FANCI: variants seen among roughly 807,000 people sequenced by gnomAD.
FANCI encodes the protein Fanconi anemia group I protein.
Under a neutral mutation model 176.1 loss-of-function variants are expected in FANCI, and 156 were observed. That is an observed-to-expected ratio of 0.89 (90% CI 0.78 to 1.01). The LOEUF is 1.01. Ranked by LOEUF, FANCI falls within the 50% of genes least tolerant of loss-of-function variation. The pLI is 0.00. For missense variants in FANCI, 1,678 were observed against 1,534.1 expected (o/e 1.09, Z -1.57); for synonymous variants, 613 against 541.7 (o/e 1.13, Z -1.83).
chr15:89,260,806 A>G lies in FANCI; in HGVS notation c.251A>G (p.Glu84Gly). Residue 84 changes from glutamate to glycine, a missense_variant, in exon 4 of 38, where the codon GAA becomes GGA. This residue lies in a region of FANCI where 469 missense variants were observed against 436.9 expected (regional missense o/e 1.07). Transcript: ENST00000310775. Reference sequence around the variant, plus strand: ...GTGGAATCGGGGGATTTGCAGAAAGAAATAGCGTCTGAGATCATAGGATTA... The same window carrying G: ...GTGGAATCGGGGGATTTGCAGAAAGGAATAGCGTCTGAGATCATAGGATTA... ...QLVESGDLQK[E>G]IASEIIGLLM... The G allele has an allele frequency of 1.9e-6, 3 of 1,614,002 alleles. No homozygotes were observed. The highest frequency in any genetic ancestry group is 2.5e-6 in the Non-Finnish European group (3 of 1,179,916).
At chr15:89,281,409 T>C in intron 15 of FANCI, 109 bp downstream of exon 15, 1 of 1,370,610 alleles carries the variant, frequency 7.3e-7, no homozygotes, top group Non-Finnish European at 1.0e-6. Context: ...TCTATTCCAC[T>C]TTAGTCTGAA....
At position 89,301,381 on chromosome 15, in the gene FANCI, C is replaced by G. The variant is rs774937583; in HGVS notation, c.2945C>G (p.Ala982Gly). The G allele has an allele frequency of 6.2e-7, 1 of 1,613,960 alleles. No individual in the cohort carries two copies. Among genetic ancestry groups the G allele is most frequent in the Non-Finnish European group, 8.5e-7 (1 of 1,180,002 alleles). ...GAGGAAGATTTTAATAGCAAAGAAG[C>G]CCTCCTGCTAGTCACGGTTCTTACC... ...SQEEDFNSKE[A>G]LLLVTVLTSL... The change falls in exon 27 of 38, where the codon GCC becomes GGC. Residue 982 changes from alanine (A) to glycine (G), a missense_variant. By Grantham distance (60) the Ala-to-Gly change is moderately conservative. This residue lies in a region of FANCI where 1,204 missense variants were observed against 1,077.4 expected (regional missense o/e 1.12). Transcript: ENST00000310775.
chr15:89,263,266 A>G (rs1204716377), intron 6 of FANCI, among the ~76,000 whole-genome samples, 153 bp from the exon 7 acceptor site: 4 of 151,906 alleles, frequency 2.6e-5, no homozygotes, highest in East Asian at 1.9e-4. Flanking sequence ...AACAACTGCT[A>G]TTTCATTGTT....
intron 9 of FANCI, among the ~76,000 whole-genome samples, chr15:89,267,312 C>A (rs1364063874): frequency 6.8e-6 from 1 of 147,592 alleles, no homozygotes; most frequent in Non-Finnish European, 1.5e-5. Context: ...GGGAGTGAAT[C>A]CTTGTCTCAA....
At chr15:89,307,939 C>T in intron 34 of FANCI, 1 of 1,339,164 alleles carries the variant, frequency 7.5e-7, no homozygotes, top group Non-Finnish European at 9.6e-7. Flanking sequence ...TGCTCAGGCT[C>T]AAGGACTTGG....
At chr15:89,249,912 TCTTA>T (rs2052163630) in intron 2 of FANCI, among the ~76,000 whole-genome samples, 1 of 152,202 alleles carries the variant, frequency 6.6e-6, no homozygotes, top group African/African-American at 2.4e-5. Context: ...TATATTATCT[TCTTA>T]AACACATAGA....
chr15:89,306,414 T>C (rs1174914222), intron 32 of FANCI, among the ~76,000 whole-genome samples: 1 of 152,066 alleles, frequency 6.6e-6, no homozygotes, highest in East Asian at 1.9e-4. Context: ...CTTTTGGGCC[T>C]GTCACGGTGG....
At chr15:89,299,433 A>C (rs2054445248) in intron 24 of FANCI, among the ~76,000 whole-genome samples, 1 of 152,226 alleles carries the variant, frequency 6.6e-6, no homozygotes, top group African/African-American at 2.4e-5. Flanking sequence ...AACCAGACCC[A>C]GACCATTGCA....
intron 15 of FANCI, 150 bp from the exon 16 acceptor site, chr15:89,281,615 A>G (rs1268127688): frequency 6.2e-6 from 5 of 800,550 alleles, no homozygotes; most frequent in South Asian, 5.7e-5. Context: ...AGAGTATACT[A>G]TTGTCCTTGT....
In FANCI at chr15:89,305,644, G is replaced by A. The variant is rs775536391; in HGVS notation, c.3295G>A (p.Val1099Met). 2 of 1,614,212 alleles carry A rather than the reference G, an allele frequency of 1.2e-6. No individual in the cohort carries two copies. The highest frequency in any genetic ancestry group is 2.2e-5 in the South Asian group (2 of 91,092). The stretch of plus-strand genomic sequence containing the variant: ...TCAGGCCGAGAAGGTTCTAGAAGAA[G>A]TGGACTGGCTAATCACCAAGCTTAA... Reference protein sequence around the residue: ...LSQAEKVLEEVDWLITKLKGQ... With the variant: ...LSQAEKVLEEMDWLITKLKGQ... Residue 1099 changes from valine (V) to methionine (M), a missense_variant, in exon 31 of 38, where the codon GTG becomes ATG. Around this residue, in one of 3 missense-constraint regions of FANCI, gnomAD observed 1,204 missense variants for 1,077.4 expected, o/e 1.12. Coordinates refer to ENST00000310775, the MANE Select transcript of FANCI (RefSeq NM_001113378.2).
chr15:89,252,471 A>G (rs1043698197), intron 2 of FANCI, among the ~76,000 whole-genome samples: 1 of 151,616 alleles, frequency 6.6e-6, no homozygotes, highest in African/African-American at 2.4e-5. Flanking sequence ...ATAGCCAGTT[A>G]GCTCACGCCT....
At chr15:89,303,841 T>C in intron 27 of FANCI, 23 bp from the exon 28 acceptor site, 1 of 1,608,780 alleles carries the variant, frequency 6.2e-7, no homozygotes, top group Non-Finnish European at 8.5e-7. Flanking sequence ...GTTTCTTTAA[T>C]ATCTGAATGA....
rs546560956 is a variant in FANCI at position 89,302,486 on chromosome 15, T to G, written c.3006+1044T>G. On this transcript the variant is annotated intron_variant, in intron 27 of 37. Coordinates refer to ENST00000310775, the MANE Select transcript of FANCI (RefSeq NM_001113378.2). ...AAATGTTCAGGAAAATTTAAAAATT[T>G]TTCTTTTTTAAACTTTTAAACTTTT... 9.9e-5 allele frequency among the ~76,000 whole-genome samples: 15 copies of G among 152,268 alleles called. 1 individual carries two copies. The South Asian group carries it at 3.1e-3, about 32-fold the overall frequency.
At chr15:89,294,070 C>T (rs2054165303) in intron 23 of FANCI, 73 bp downstream of exon 23, 2 of 1,520,042 alleles carry the variant, frequency 1.3e-6, no homozygotes, top group Admixed American at 1.7e-5. Context: ...TCACTTGTTT[C>T]ACCTCGTTTG....
At chr15:89,274,444 T>C in intron 12 of FANCI, 140 bp downstream of exon 12, 1 of 942,894 alleles carries the variant, frequency 1.1e-6, no homozygotes, top group Non-Finnish European at 1.6e-6. Flanking sequence ...TTCATTTTCT[T>C]AAAACTGGTA....
chr15:89,280,076 C>T (rs1567156312), intron 14 of FANCI, among the ~76,000 whole-genome samples: 1 of 152,150 alleles, frequency 6.6e-6, no homozygotes, highest in Non-Finnish European at 1.5e-5. Context: ...GGCTGGAGGG[C>T]AGTGGTGTGA....
chr15:89,250,107 C>A, intron 2 of FANCI, among the ~76,000 whole-genome samples: 1 of 152,194 alleles, frequency 6.6e-6, no homozygotes, highest in Admixed American at 6.5e-5. Flanking sequence ...AAAATACCTT[C>A]TATTCAACCA....
chr15:89,299,658 C>T, intron 24 of FANCI, 142 bp from the exon 25 acceptor site: 1 of 762,304 alleles, frequency 1.3e-6, no homozygotes, highest in Non-Finnish European at 2.1e-6. Flanking sequence ...ATAGAAATAC[C>T]TTGATTGTGG....
At chr15:89,272,406 G>A (rs1470806819) in intron 10 of FANCI, among the ~76,000 whole-genome samples, 1 of 151,888 alleles carries the variant, frequency 6.6e-6, no homozygotes, top group Non-Finnish European at 1.5e-5. Flanking sequence ...TATATAATTA[G>A]CAAATATTTT....
Sources: allele counts gnomAD v4.1 joint callset (sites outside exome capture counted in the v4.1 genomes callset), GRCh38; gene constraint gnomAD v4.1.1; regional missense constraint gnomAD v4.1.1; transcripts MANE v1.5; gene names NCBI Gene and HGNC (gene_info 2026-07-23, HGNC 2026-07-21).